The following NTM variants were observed in gnomAD, a reference collection of about 807,000 sequenced individuals.
NTM encodes neurotrimin.
Under a neutral mutation model 42.1 loss-of-function variants are expected in NTM, and 13 were observed. That is an observed-to-expected ratio of 0.31 (90% confidence interval 0.20 to 0.49). The LOEUF (loss-of-function observed/expected upper bound fraction) is 0.49. Ranked by LOEUF, NTM falls within the 20% of genes least tolerant of loss-of-function variation. The pLI is 0.99. For missense variants in NTM, 373 were observed against 452.8 expected, an observed-to-expected ratio of 0.82 and a Z score of 1.60; for synonymous variants, 187 against 179.2, an observed-to-expected ratio of 1.04 and a Z score of -0.35.
intron 1 of NTM, among the ~76,000 whole-genome samples, chr11:131,884,364 G>A (rs370048666): frequency 3.9e-4 from 60 of 152,032 alleles, no homozygotes; most frequent in African/African-American, 1.0e-3. Context: ...AGCAGAGATC[G>A]CGCTATTGCA....
At chr11:131,878,594 AATATAT>A (rs201069325) in intron 1 of NTM, among the ~76,000 whole-genome samples, 263 of 19,240 alleles carry the variant, frequency 0.014, 5 homozygotes, top group Middle Eastern at 0.031. Context: ...AAAAAAAAAA[AATATAT>A]ATATATATAT....
intron 1 of NTM, among the ~76,000 whole-genome samples, chr11:131,486,810 C>T (rs900278201): frequency 5.9e-5 from 9 of 152,126 alleles, no homozygotes; most frequent in African/African-American, 2.2e-4. Flanking sequence ...CTCATTTAGT[C>T]TTGCTCAAAA....
At chr11:131,950,436 G>A (rs2060849416) in intron 2 of NTM, among the ~76,000 whole-genome samples, 1 of 152,074 alleles carries the variant, frequency 6.6e-6, no homozygotes, top group Non-Finnish European at 1.5e-5. Flanking sequence ...CAGTTCACCT[G>A]CCTCACCTAT....
intron 2 of NTM, among the ~76,000 whole-genome samples, chr11:132,089,132 G>A (rs1172288515): frequency 6.6e-6 from 1 of 152,184 alleles, no homozygotes; most frequent in Non-Finnish European, 1.5e-5. Flanking sequence ...CACTCTCATA[G>A]TAAGCAGATG....
At chr11:131,935,889 TCACCATCATTAATACTGATA>T (rs1201641771) in intron 2 of NTM, among the ~76,000 whole-genome samples, 1 of 152,180 alleles carries the variant, frequency 6.6e-6, no homozygotes, top group African/African-American at 2.4e-5. Context: ...ATAGTGGCAT[TCACCATCATTAATACTGATA>T]CTTTGTTCTT....
chr11:131,562,560 C>T (rs2056376022), intron 1 of NTM, among the ~76,000 whole-genome samples: 1 of 151,830 alleles, frequency 6.6e-6, no homozygotes, highest in Non-Finnish European at 1.5e-5. Context: ...GAGACCATGG[C>T]ATGTCATGAT....
intron 1 of NTM, among the ~76,000 whole-genome samples, chr11:131,688,187 C>G (rs1008623999): frequency 4.2e-4 from 64 of 152,270 alleles, no homozygotes; most frequent in African/African-American, 1.5e-3. Flanking sequence ...CCGCGCCCCC[C>G]GAGCCGCGAG....
chr11:131,789,735 T>G (rs1436436118), intron 1 of NTM, among the ~76,000 whole-genome samples: 1 of 150,774 alleles, frequency 6.6e-6, no homozygotes, highest in East Asian at 1.9e-4. Flanking sequence ...GGCAGGCGGA[T>G]CACGAGGTCA....
chr11:131,878,821 C>G (rs1379911758), intron 1 of NTM, among the ~76,000 whole-genome samples: 1 of 151,526 alleles, frequency 6.6e-6, no homozygotes, highest in East Asian at 1.9e-4. Context: ...TGAGTAATAT[C>G]TCTTTAACGA....
chr11:132,317,742 G>A, intron 7 of NTM: 2 of 1,141,082 alleles, frequency 1.8e-6, no homozygotes, highest in Non-Finnish European at 2.4e-6. Context: ...CTATCCCAGA[G>A]GCCCCCTTCC....
chr11:132,057,270 T>C (rs2079848291), intron 2 of NTM, among the ~76,000 whole-genome samples: 1 of 143,200 alleles, frequency 7.0e-6, no homozygotes, highest in African/African-American at 2.6e-5. Context: ...ATACGGTGTA[T>C]TTTGGATTTT....
At chr11:132,271,905 A>G (rs915885572) in intron 4 of NTM, among the ~76,000 whole-genome samples, 3 of 152,022 alleles carry the variant, frequency 2.0e-5, no homozygotes, top group Non-Finnish European at 4.4e-5. Flanking sequence ...CAACTTATAC[A>G]TTTTTTGTTG....
intron 2 of NTM, among the ~76,000 whole-genome samples, chr11:131,916,122 G>A (rs2138102041): frequency 6.6e-6 from 1 of 152,368 alleles, no homozygotes; most frequent in South Asian, 2.1e-4. Flanking sequence ...CGTGGCTGGA[G>A]CAGAGCCCCT....
At chr11:131,873,950 T>G (rs1378889387) in intron 1 of NTM, among the ~76,000 whole-genome samples, 1 of 134,024 alleles carries the variant, frequency 7.5e-6, no homozygotes, top group Non-Finnish European at 1.5e-5. Flanking sequence ...GAATGATGGT[T>G]TCCAGCTTTT....
At chr11:132,129,542 T>G (rs1445797556) in intron 2 of NTM, among the ~76,000 whole-genome samples, 1 of 152,216 alleles carries the variant, frequency 6.6e-6, no homozygotes, top group Non-Finnish European at 1.5e-5. Flanking sequence ...ACAGAATTCC[T>G]AAAGACAGAC....
intron 2 of NTM, among the ~76,000 whole-genome samples, chr11:132,142,302 T>C (rs1009094250): frequency 6.6e-6 from 1 of 152,270 alleles, no homozygotes; most frequent in Non-Finnish European, 1.5e-5. Flanking sequence ...GTTTGAAGCC[T>C]TACTCACTCT....
At chr11:131,697,372 T>C (rs1467698556) in intron 1 of NTM, among the ~76,000 whole-genome samples, 1 of 152,222 alleles carries the variant, frequency 6.6e-6, no homozygotes, top group African/African-American at 2.4e-5. Flanking sequence ...CAGAGTACTG[T>C]CTGATTGTTT....
chr11:132,323,070 G>GAA (rs2095605446), intron 7 of NTM, among the ~76,000 whole-genome samples: 2 of 129,352 alleles, frequency 1.5e-5, no homozygotes, highest in Admixed American at 1.5e-4. Context: ...GCCCACAAGA[G>GAA]AAAGCAGGAA....
rs941808371 is a variant in NTM at position 131,821,827 on chromosome 11, A to T, written c.83-89737A>T. Among the ~76,000 whole-genome samples, 3 of 152,272 alleles carry T rather than the reference A, an allele frequency of 2.0e-5. No individual in the cohort carries two copies. In the South Asian group the frequency reaches 6.2e-4, roughly 32 times the overall value. ...GTTTTACACCATTGACTGATCCATG[A>T]TAGTTTAGAAAGGAAGCTGATTTCA... On this transcript the variant is annotated intron_variant, in intron 1 of 8. Transcript: ENST00000683400.
Sources: gnomAD v4.1 joint callset for allele counts (sites outside exome capture counted in the v4.1 genomes callset) on GRCh38, gnomAD v4.1.1 for gene constraint, MANE v1.5 for transcripts, NCBI Gene and HGNC (gene_info 2026-07-23, HGNC 2026-07-21) for gene names.